RIPOR2: variants seen among roughly 807,000 people sequenced by gnomAD.
RIPOR2 encodes rho family-interacting cell polarization regulator 2.
A neutral mutation model predicts 114.5 loss-of-function variants in RIPOR2; 39 were observed. The ratio of observed to expected loss-of-function variants is 0.34; its 90% confidence interval spans 0.26 to 0.44. The LOEUF (loss-of-function observed/expected upper bound fraction) is 0.44, where lower values mean the gene tolerates loss of function less well. RIPOR2 is among the 20% of genes least tolerant of loss of function. RIPOR2 has a pLI of 1.00. For synonymous variants in RIPOR2, 445 were observed against 484.4 expected, an observed-to-expected ratio of 0.92 and a Z score of 1.07; for missense variants, 1,007 against 1,255.1, an observed-to-expected ratio of 0.80 and a Z score of 2.99.
At chr6:24,835,566 G>A (rs986475943) in intron 15 of RIPOR2, 137 bp downstream of exon 15, 66 of 966,706 alleles carry the variant, frequency 6.8e-5, no homozygotes, top group Non-Finnish European at 8.3e-5. Flanking sequence ...CAGAGTTTTT[G>A]ACTTGGCTCA....
chr6:24,864,363 G>C (rs1764375416), intron 7 of RIPOR2, among the ~76,000 whole-genome samples: 1 of 152,096 alleles, frequency 6.6e-6, no homozygotes, highest in South Asian at 2.1e-4. Flanking sequence ...TCTAAAGGAG[G>C]AACTTAGGTA....
At chr6:24,876,903 G>C in intron 1 of RIPOR2, 1 of 909,364 alleles carries the variant, frequency 1.1e-6, no homozygotes, top group Non-Finnish European at 1.3e-6. Flanking sequence ...CCCTGCAACT[G>C]TTAGGTAATT....
chr6:25,042,046 T>A (rs1777478016), upstream of RIPOR2: 1 of 490,180 alleles, frequency 2.0e-6, no homozygotes, highest in African/African-American at 3.0e-5. Context: ...CCCCCCCTTT[T>A]TGTTCTTTTC....
chr6:24,934,672 C>T lies in RIPOR2; in HGVS notation c.61+1166G>A, dbSNP rs986079253. ...AAAAATTGCTAGACGTAGTTTCTTG[C>T]GGAAAATAATCAAATTCACGAGATT... On this transcript the variant is annotated intron_variant, in intron 1 of 21. Transcript: ENST00000643898. Among the ~76,000 whole-genome samples the T allele has an allele frequency of 9.2e-5, 14 of 152,244 alleles. 1 individual carries two copies. Among genetic ancestry groups the T allele is most frequent in the African/African-American group, 1.9e-4 (8 of 41,546 alleles).
chr6:24,839,427 CA>C, intron 13 of RIPOR2, 155 bp from the exon 14 acceptor site: 2 of 1,427,136 alleles, frequency 1.4e-6, no homozygotes, highest in Non-Finnish European at 1.9e-6. Flanking sequence ...TCTTTATATC[CA>C]AAAAAGAAGT....
rs186484803 is a variant in RIPOR2, at chr6:24,904,324, C to T, written c.62-28507G>A. ...TGCCCTTTCTAGCTTCTAGAGGTCA[C>T]CTGCATTCCTTCCCTTGTGGGTCCT... On this transcript the variant is annotated intron_variant, in intron 1 of 21. Coordinates refer to ENST00000643898, the MANE Select transcript of RIPOR2 (RefSeq NM_001286445.3). Among the ~76,000 whole-genome samples the T allele has an allele frequency of 2.7e-3, 416 of 152,308 alleles. 2 individuals are homozygous for T. Among genetic ancestry groups the T allele is most frequent in the Middle Eastern group, 6.8e-3 (2 of 294 alleles).
chr6:24,848,271 C>T, intron 11 of RIPOR2, 117 bp from the exon 12 acceptor site: 4 of 1,089,580 alleles, frequency 3.7e-6, no homozygotes, highest in Non-Finnish European at 5.2e-6. Context: ...AGGTTCAGAA[C>T]TGGGCTGGTT....
intron 19 of RIPOR2, among the ~76,000 whole-genome samples, chr6:24,824,167 G>C (rs1759947996): frequency 6.6e-6 from 1 of 152,158 alleles, no homozygotes; most frequent in African/African-American, 2.4e-5. Context: ...TATATATCCT[G>C]CTACCAGCAT....
chr6:24,882,490 A>G (rs964031437), intron 1 of RIPOR2, among the ~76,000 whole-genome samples: 1 of 152,248 alleles, frequency 6.6e-6, no homozygotes, highest in Non-Finnish European at 1.5e-5. Context: ...TTATTGTTAG[A>G]GTTAAGAATA....
At chr6:25,022,933 G>C (rs549777646) in intron 1 of RIPOR2, among the ~76,000 whole-genome samples, 1 of 152,128 alleles carries the variant, frequency 6.6e-6, no homozygotes, top group East Asian at 1.9e-4. Flanking sequence ...AATGCAAATA[G>C]AGTATGCATT....
chr6:24,894,285 G>A (rs951285566), intron 1 of RIPOR2, among the ~76,000 whole-genome samples: 1 of 152,180 alleles, frequency 6.6e-6, no homozygotes, highest in Non-Finnish European at 1.5e-5. Flanking sequence ...GAGTTAGGTA[G>A]GACAGTGATT....
At chr6:24,839,407 C>A in intron 13 of RIPOR2, 135 bp from the exon 14 acceptor site, 1 of 1,431,562 alleles carries the variant, frequency 7.0e-7, no homozygotes, top group Non-Finnish European at 9.2e-7. Context: ...TTAAAAAATG[C>A]ATTTAAAAAT....
chr6:25,041,828 G>A, intron 1 of RIPOR2: 2 of 700,796 alleles, frequency 2.9e-6, no homozygotes, highest in Non-Finnish European at 5.2e-6. Context: ...CAGAGAGTAG[G>A]TAACACCAGA....
intron 1 of RIPOR2, among the ~76,000 whole-genome samples, chr6:24,900,918 G>C (rs1454096500): frequency 6.6e-6 from 1 of 152,102 alleles, no homozygotes; most frequent in Non-Finnish European, 1.5e-5. Flanking sequence ...GGGCTCAAAT[G>C]ATCTTCCCAC....
chr6:24,935,786 C>A (rs2114163228), intron 1 of RIPOR2, 52 bp downstream of exon 1: 2 of 1,367,596 alleles, frequency 1.5e-6, no homozygotes, highest in South Asian at 2.5e-5. Context: ...CCAGTGGTGT[C>A]AAAACAAAGC....
intron 1 of RIPOR2, among the ~76,000 whole-genome samples, chr6:24,944,849 T>C (rs628794): frequency 0.17 from 26,348 of 152,012 alleles, 2,441 homozygotes; most frequent in East Asian, 0.34. Context: ...AAAAAGCAAT[T>C]TCTCATTAGA....
rs767087240 is a variant in RIPOR2, at chr6:24,850,705, G to A, written c.777C>T (p.Gly259=). ...GDQYEIFMKY[G]RQRWKLKGKI... is the part of the protein sequence containing the mutation. ...TGCCTTTCAGTTTCCACCGCTGCCG[G>A]CCATACTTCATGAAAATCTGGAGAG... Residue 259 remains glycine (G), a synonymous_variant, in exon 10 of 22, where the codon GGC becomes GGT. Transcript: ENST00000643898. The A allele has an allele frequency of 1.9e-6, 3 of 1,613,652 alleles. No homozygotes were observed. The highest frequency in any genetic ancestry group is 2.2e-5 in the South Asian group (2 of 91,076).
chr6:24,964,438 A>T (rs1773437399), intron 1 of RIPOR2, among the ~76,000 whole-genome samples: 1 of 152,164 alleles, frequency 6.6e-6, no homozygotes. Flanking sequence ...TGTTGACCTC[A>T]AGGTCCATTC....
intron 1 of RIPOR2, among the ~76,000 whole-genome samples, chr6:25,038,741 C>T (rs889831645): frequency 4.6e-5 from 7 of 152,200 alleles, no homozygotes; most frequent in Admixed American, 1.3e-4. Flanking sequence ...GAGAATCCAG[C>T]TAATTCATGC....
Sources: allele counts gnomAD v4.1 joint callset (sites outside exome capture counted in the v4.1 genomes callset), GRCh38; gene constraint gnomAD v4.1.1; transcripts MANE v1.5; gene names NCBI Gene and HGNC (gene_info 2026-07-23, HGNC 2026-07-21).